The following CTDSPL2 variants were observed in gnomAD, a reference collection of about 807,000 sequenced individuals.
CTDSPL2 encodes CTD small phosphatase-like protein 2.
Under a neutral mutation model 60.0 loss-of-function variants are expected in CTDSPL2, and 5 were observed. That is an observed-to-expected ratio of 0.08 (90% CI 0.04 to 0.18). CTDSPL2 has a LOEUF of 0.18. Among genes scored for constraint, CTDSPL2 ranks in the 10% least tolerant of loss-of-function variants. CTDSPL2 has a pLI of 1.00. For synonymous variants in CTDSPL2, 186 were observed against 189.3 expected, an observed-to-expected ratio of 0.98 and a Z score of 0.14; for missense variants, 370 against 548.8, an observed-to-expected ratio of 0.67 and a Z score of 3.26.
chr15:44,523,388 CTACA>C (rs61461067), intron 12 of CTDSPL2, among the ~76,000 whole-genome samples: 57,026 of 144,604 alleles, frequency 0.39, 11,614 homozygotes, highest in African/African-American at 0.48. Flanking sequence ...GACCTCATCT[CTACA>C]TACATACATA....
chr15:44,458,951 C>G, intron 1 of CTDSPL2, 40 bp from the exon 2 acceptor site: 5 of 1,301,802 alleles, frequency 3.8e-6, no homozygotes, highest in Non-Finnish European at 5.1e-6. Context: ...AATTTAATAA[C>G]TTTTAATTTT....
intron 1 of CTDSPL2, among the ~76,000 whole-genome samples, chr15:44,452,691 A>G (rs1191223343): frequency 6.6e-6 from 1 of 152,060 alleles, no homozygotes; most frequent in Non-Finnish European, 1.5e-5. Context: ...ATTCTCCATC[A>G]TTGTTACTAT....
At chr15:44,461,135 T>C (rs1216578293) in intron 2 of CTDSPL2, among the ~76,000 whole-genome samples, 1 of 152,238 alleles carries the variant, frequency 6.6e-6, no homozygotes, top group East Asian at 1.9e-4. Context: ...CACCTTTATC[T>C]GTTATTCATG....
At chr15:44,499,609 A>G (rs2081355865) in intron 7 of CTDSPL2, 118 bp from the exon 8 acceptor site, 1 of 583,956 alleles carries the variant, frequency 1.7e-6, no homozygotes, top group African/African-American at 1.9e-5. Context: ...AATATATTAT[A>G]AATGTAAAAT....
rs1325361476 is a variant in CTDSPL2 at position 44,524,740 on chromosome 15, T to G, written c.*566T>G. 1 of 152,692 alleles carries G rather than the reference T, an allele frequency of 6.5e-6. No individual in the cohort carries two copies. The highest frequency in any genetic ancestry group is 1.5e-5 in the Non-Finnish European group (1 of 68,058). The allele number at this position is 152,692 out of a possible 1,614,324, so 9.5% of individuals were successfully genotyped here. On this transcript the variant is annotated 3_prime_UTR_variant, in exon 13 of 13. Transcript: ENST00000260327. ...TTCATAGTTTTCTGGAGATAGTCAA[T>G]TTTTAGTTTTTTATTATACATTTGA...
chr15:44,521,955 A>AC (rs1595785767), intron 12 of CTDSPL2, among the ~76,000 whole-genome samples: 1 of 150,100 alleles, frequency 6.7e-6, no homozygotes, highest in Admixed American at 6.7e-5. Flanking sequence ...AAAAAAAAAA[A>AC]AAAAAAAACA....
At chr15:44,451,134 T>G (rs2141322970) in intron 1 of CTDSPL2, among the ~76,000 whole-genome samples, 1 of 152,308 alleles carries the variant, frequency 6.6e-6, no homozygotes, top group South Asian at 2.1e-4. Flanking sequence ...AGAGTCTCAG[T>G]CTGTTTCCCA....
chr15:44,505,030 GAT>G (rs1232382244), intron 8 of CTDSPL2, among the ~76,000 whole-genome samples: 1 of 152,026 alleles, frequency 6.6e-6, no homozygotes, highest in Non-Finnish European at 1.5e-5. Flanking sequence ...AAAAGGAAAA[GAT>G]ACAAATGAAA....
rs1168628007 is a variant in CTDSPL2, at chr15:44,455,427, T to G, written c.-24-3564T>G. Among the ~76,000 whole-genome samples, 17 of 152,072 alleles carry G rather than the reference T, an allele frequency of 1.1e-4. No homozygotes were observed. In the East Asian group the frequency reaches 2.1e-3, roughly 19 times the overall value. ...TACCCTTTATTTCTTTCTCCTGCCTTATTGCCCTGTCCAGAACTTCCAACA... is the reference window on the plus strand; with the variant it reads ...TACCCTTTATTTCTTTCTCCTGCCTGATTGCCCTGTCCAGAACTTCCAACA... On this transcript the variant is annotated intron_variant, in intron 1 of 12. Coordinates refer to ENST00000260327, the MANE Select transcript of CTDSPL2 (RefSeq NM_016396.3).
At chr15:44,510,351 A>G (rs529041126) in intron 8 of CTDSPL2, among the ~76,000 whole-genome samples, 1 of 152,318 alleles carries the variant, frequency 6.6e-6, no homozygotes, top group East Asian at 1.9e-4. Flanking sequence ...AAAGTTTTGC[A>G]TAATGAACAT....
chr15:44,442,205 C>A (rs1031605728), intron 1 of CTDSPL2, among the ~76,000 whole-genome samples: 2 of 152,102 alleles, frequency 1.3e-5, no homozygotes, highest in African/African-American at 2.4e-5. Flanking sequence ...AATCCCAGCA[C>A]TTTGGGAGGC....
At chr15:44,515,026 G>A (rs1236383361) in intron 10 of CTDSPL2, among the ~76,000 whole-genome samples, 182 bp downstream of exon 10, 2 of 152,000 alleles carry the variant, frequency 1.3e-5, no homozygotes, top group Non-Finnish European at 2.9e-5. Flanking sequence ...CCAGACAGAC[G>A]TTCTTTAAAG....
chr15:44,512,578 T>A (rs1348869134), intron 8 of CTDSPL2, among the ~76,000 whole-genome samples: 1 of 152,230 alleles, frequency 6.6e-6, no homozygotes. Context: ...AAAAATCTGT[T>A]GTTGTTTGGC....
chr15:44,510,157 TGTATATTTAGTA>T (rs1295470833), intron 8 of CTDSPL2, among the ~76,000 whole-genome samples: 2 of 151,896 alleles, frequency 1.3e-5, no homozygotes, highest in African/African-American at 2.4e-5. Context: ...AGCTAATTTT[TGTATATTTAGTA>T]GTATATTTAG....
chr15:44,441,263 C>G (rs748617191), intron 1 of CTDSPL2, among the ~76,000 whole-genome samples: 39 of 152,066 alleles, frequency 2.6e-4, no homozygotes, highest in Non-Finnish European at 5.0e-4. Flanking sequence ...TTGTGCCTTG[C>G]GGGTAACTGG....
chr15:44,475,342 CTT>C (rs949487329), intron 2 of CTDSPL2, among the ~76,000 whole-genome samples: 2 of 151,988 alleles, frequency 1.3e-5, no homozygotes, highest in Non-Finnish European at 2.9e-5. Context: ...AGTGTGATAA[CTT>C]TAAGATTCTT....
At chr15:44,438,349 A>T (rs938648223) in intron 1 of CTDSPL2, among the ~76,000 whole-genome samples, 8 of 152,032 alleles carry the variant, frequency 5.3e-5, no homozygotes, top group Non-Finnish European at 1.2e-4. Context: ...GCAATGCTAG[A>T]GTTTAGTCTT....
chr15:44,491,007 A>T lies in CTDSPL2; in HGVS notation c.691+8A>T. Reference sequence around the variant, plus strand: ...ATATCCCACCCCTTACAGGTGAAGAAAATTTCTTTTCTTATACATCTTCAT... The same window carrying T: ...ATATCCCACCCCTTACAGGTGAAGATAATTTCTTTTCTTATACATCTTCAT... On this transcript the variant is annotated splice_region_variant and intron_variant, in intron 5 of 12. Coordinates refer to ENST00000260327, the MANE Select transcript of CTDSPL2 (RefSeq NM_016396.3). The T allele has an allele frequency of 6.2e-7, 1 of 1,605,668 alleles. No individual in the cohort carries two copies. Among genetic ancestry groups the T allele is most frequent in the Non-Finnish European group, 8.5e-7 (1 of 1,174,392 alleles).
At chr15:44,461,979 A>G (rs1290800402) in intron 2 of CTDSPL2, among the ~76,000 whole-genome samples, 9 of 152,078 alleles carry the variant, frequency 5.9e-5, no homozygotes, top group Non-Finnish European at 1.5e-5. Flanking sequence ...TTTCATTCCC[A>G]TTGCCCAGGC....
Sources: allele counts gnomAD v4.1 joint callset (sites outside exome capture counted in the v4.1 genomes callset), GRCh38; gene constraint gnomAD v4.1.1; transcripts MANE v1.5; gene names NCBI Gene and HGNC (gene_info 2026-07-23, HGNC 2026-07-21).